Variants in SYT6 observed in about 807,000 individuals in gnomAD.
SYT6 encodes the protein synaptotagmin 6.
In SYT6, 24 loss-of-function variants were observed where a neutral mutation model predicts 38.4. The ratio of observed to expected loss-of-function variants is 0.62; its 90% CI spans 0.45 to 0.88. The LOEUF is 0.88. Ranked by LOEUF, SYT6 falls within the 40% of genes least tolerant of loss-of-function variation. The probability of loss-of-function intolerance (pLI) is 0.00; values close to 1 mark genes in which losing one functional copy is unlikely to be tolerated. For missense variants in SYT6, 611 were observed against 621.0 expected (o/e 0.98, Z 0.17); for synonymous variants, 265 against 241.9 (o/e 1.10, Z -0.89).
intron 1 of SYT6, among the ~76,000 whole-genome samples, chr1:114,143,143 T>TAC (rs1678958854): frequency 2.9e-5 from 4 of 140,104 alleles, no homozygotes; most frequent in African/African-American, 1.1e-4. Flanking sequence ...TATATGTATA[T>TAC]ATACATATAT....
At chr1:114,092,446 C>T (rs935133305) in intron 7 of SYT6, among the ~76,000 whole-genome samples, 11 of 151,742 alleles carry the variant, frequency 7.2e-5, no homozygotes, top group East Asian at 1.9e-4. Context: ...ATGTTAGCAG[C>T]GAAAGAGGCA....
chr1:114,145,502 G>GT (rs752982644), intron 1 of SYT6, among the ~76,000 whole-genome samples: 1,140 of 111,618 alleles, frequency 0.01, 6 homozygotes, highest in Non-Finnish European at 0.014. Context: ...GAGGTATTAA[G>GT]TTTTTTTTTT....
At chr1:114,095,345 G>A (rs943196561) in intron 6 of SYT6, among the ~76,000 whole-genome samples, 2 of 152,178 alleles carry the variant, frequency 1.3e-5, no homozygotes, top group South Asian at 4.1e-4. Context: ...TCAATTATTT[G>A]GCTTAATTAG....
chr1:114,144,323 T>C (rs564876363), intron 1 of SYT6, among the ~76,000 whole-genome samples: 3 of 152,290 alleles, frequency 2.0e-5, no homozygotes, highest in African/African-American at 7.2e-5. Context: ...AATCTTACTA[T>C]TTAAGGTAAG....
chr1:114,140,827 C>A (rs1322938362), intron 1 of SYT6, among the ~76,000 whole-genome samples: 1 of 152,188 alleles, frequency 6.6e-6, no homozygotes, highest in Non-Finnish European at 1.5e-5. Context: ...TTGTGTCTGT[C>A]ACGTTTTGTT....
intron 3 of SYT6, among the ~76,000 whole-genome samples, chr1:114,109,715 A>AG (rs1676557313): frequency 6.6e-6 from 1 of 152,198 alleles, no homozygotes; most frequent in Admixed American, 6.5e-5. Flanking sequence ...GCATGTCAGT[A>AG]GGTAGTACTG....
Position 114,139,603 on chromosome 1 carries a change from TC to T in SYT6, c.512+11del. 1 of 1,613,830 alleles carries T rather than the reference TC, an allele frequency of 6.2e-7. No homozygotes were observed. Among genetic ancestry groups the T allele is most frequent in the Non-Finnish European group, 8.5e-7 (1 of 1,179,926 alleles). On this transcript the variant is annotated intron_variant, in intron 2 of 7. Coordinates refer to ENST00000610222, the MANE Select transcript of SYT6 (RefSeq NM_001253772.2). ...GTGTGGGGGTCAGGGAAGGGAGTGG[TC>T]CACTCCTCACCTGGTGGATGACGCT... is the stretch of plus-strand genomic sequence containing the variant.
chr1:114,139,558 T>C, intron 2 of SYT6, 57 bp downstream of exon 2: 3 of 1,598,200 alleles, frequency 1.9e-6, no homozygotes, highest in South Asian at 2.2e-5. Context: ...ATCCCATAGA[T>C]GTATTAAGGG....
At chr1:114,105,986 C>A (rs951079264) in intron 3 of SYT6, among the ~76,000 whole-genome samples, 3 of 152,154 alleles carry the variant, frequency 2.0e-5, no homozygotes, top group Admixed American at 6.5e-5. Flanking sequence ...CGGGGCGTAA[C>A]CAGTTAAAAG....
intron 3 of SYT6, among the ~76,000 whole-genome samples, chr1:114,129,105 A>G (rs1382109261): frequency 3.3e-5 from 5 of 152,108 alleles, no homozygotes; most frequent in Admixed American, 6.5e-5. Flanking sequence ...AGATTTCCCA[A>G]CTCAGCATCC....
At chr1:114,144,091 C>T (rs907126101) in intron 1 of SYT6, among the ~76,000 whole-genome samples, 21 of 152,170 alleles carry the variant, frequency 1.4e-4, no homozygotes, top group African/African-American at 4.8e-4. Flanking sequence ...ATGATTGAAA[C>T]GTTAAGAAAT....
chr1:114,105,318 G>T (rs1222070834), intron 3 of SYT6, among the ~76,000 whole-genome samples: 1 of 143,320 alleles, frequency 7.0e-6, no homozygotes, highest in Non-Finnish European at 1.5e-5. Context: ...TCCCCCCCTG[G>T]AGAATAAGCC....
chr1:114,137,787 T>C lies in SYT6; in HGVS notation c.779A>G (p.Asp260Gly), dbSNP rs1237713446. The change falls in exon 3 of 8, where the codon GAC becomes GGC. Residue 260 changes from aspartate (D) to glycine (G), a missense_variant. Asp to Gly is a moderately conservative substitution (Grantham distance 94, BLOSUM62 -1). Transcript: ENST00000610222. Reference sequence around the variant, plus strand: ...ATAAGGGTCAGAGCTTCCACAAAAGTCCTTGGCAGGGAGGTCAAAAGCCTT... The same window carrying C: ...ATAAGGGTCAGAGCTTCCACAAAAGCCCTTGGCAGGGAGGTCAAAAGCCTT... The part of the protein sequence containing the change: ...ILKAFDLPAK[D>G]FCGSSDPYVK... 3.1e-6 allele frequency: 5 copies of C among 1,613,876 alleles called. No individual in the cohort carries two copies. In the African/African-American group the frequency reaches 5.3e-5, roughly 17 times the overall value.
Position 114,140,969 on chromosome 1 carries a change from G to A in SYT6, c.164-1006C>T, listed in dbSNP as rs1235801845. ...GTCCTGAGCTGCATCCATGTAAGAT[G>A]GCCAACCTAATTGATAAATGTTGTG... On this transcript the variant is annotated intron_variant, in intron 1 of 7. Coordinates refer to ENST00000610222, the MANE Select transcript of SYT6 (RefSeq NM_001253772.2). Among the ~76,000 whole-genome samples, 3 of 152,262 alleles carry A rather than the reference G, an allele frequency of 2.0e-5. No individual in the cohort carries two copies. The East Asian group carries it at 5.8e-4, about 29-fold the overall frequency.
chr1:114,096,991 G>A (rs569555948), intron 6 of SYT6, among the ~76,000 whole-genome samples: 1 of 152,296 alleles, frequency 6.6e-6, no homozygotes, highest in Non-Finnish European at 1.5e-5. Flanking sequence ...TAAGTCGGTG[G>A]GATTCAGCGG....
At position 114,143,088 on chromosome 1, in the gene SYT6, A is replaced by G. The variant is rs564682086; in HGVS notation, c.164-3125T>C. Among the ~76,000 whole-genome samples, 5 of 151,180 alleles carry G rather than the reference A, an allele frequency of 3.3e-5. No homozygotes were observed. In the South Asian group the frequency reaches 1.0e-3, roughly 31 times the overall value. The stretch of plus-strand genomic sequence containing the variant: ...TTCTTGATGCCATTATATTTACAGT[A>G]TATTACAGTATATTTTATACTGTGT... On this transcript the variant is annotated intron_variant, in intron 1 of 7. Coordinates refer to ENST00000610222, the MANE Select transcript of SYT6 (RefSeq NM_001253772.2).
intron 3 of SYT6, among the ~76,000 whole-genome samples, chr1:114,133,697 T>G (rs1326891255): frequency 2.0e-5 from 3 of 152,156 alleles, no homozygotes; most frequent in Non-Finnish European, 4.4e-5. Flanking sequence ...GTTTCTTAAT[T>G]CCATGCAATG....
intron 3 of SYT6, among the ~76,000 whole-genome samples, chr1:114,117,765 G>C (rs1277929492): frequency 6.6e-6 from 1 of 152,208 alleles, no homozygotes; most frequent in African/African-American, 2.4e-5. Flanking sequence ...TTCAAATCCC[G>C]GTTCTGCTGC....
intron 4 of SYT6, among the ~76,000 whole-genome samples, chr1:114,101,637 A>C (rs1419614785): frequency 6.6e-6 from 1 of 152,196 alleles, no homozygotes; most frequent in East Asian, 1.9e-4. Context: ...AAGAATAGGC[A>C]ATTAATAAGC....
Sources: allele counts gnomAD v4.1 joint callset (sites outside exome capture counted in the v4.1 genomes callset), GRCh38; gene constraint gnomAD v4.1.1; transcripts MANE v1.5; gene names NCBI Gene and HGNC (gene_info 2026-07-23, HGNC 2026-07-21).